The following BMP6 variants were observed in gnomAD, a reference collection of about 807,000 sequenced individuals.
BMP6 encodes VG-1-R.
BMP6 carries 17 observed loss-of-function variants against 54.1 expected under a neutral mutation model. That is an observed-to-expected ratio of 0.31 (90% CI 0.22 to 0.47). The LOEUF is 0.47. Ranked by LOEUF, BMP6 falls within the 20% of genes least tolerant of loss-of-function variation. The pLI is 1.00. For synonymous variants in BMP6, 328 were observed against 291.2 expected, an observed-to-expected ratio of 1.13 and a Z score of -1.28; for missense variants, 720 against 690.4, an observed-to-expected ratio of 1.04 and a Z score of -0.48.
intron 1 of BMP6, among the ~76,000 whole-genome samples, chr6:7,780,184 G>C (rs1757921521): frequency 6.6e-6 from 1 of 152,220 alleles, no homozygotes; most frequent in Non-Finnish European, 1.5e-5. Flanking sequence ...TCTGTGATCA[G>C]TTTAATTCTG....
At chr6:7,814,834 A>AGGG (rs1209062761) in intron 1 of BMP6, among the ~76,000 whole-genome samples, 1 of 152,004 alleles carries the variant, frequency 6.6e-6, no homozygotes, top group Non-Finnish European at 1.5e-5. Flanking sequence ...GAGGCAGGGG[A>AGGG]GGGGGAGAGC....
intron 2 of BMP6, among the ~76,000 whole-genome samples, chr6:7,850,888 CT>C (rs1051107148): frequency 1.3e-5 from 2 of 151,912 alleles, no homozygotes; most frequent in African/African-American, 2.4e-5. Context: ...AAAATACTAT[CT>C]TTTTCTCATG....
intron 6 of BMP6, 25 bp downstream of exon 6, chr6:7,880,126 G>A (rs766004146): frequency 2.5e-6 from 4 of 1,613,880 alleles, no homozygotes; most frequent in African/African-American, 2.7e-5. Flanking sequence ...ACTTTGTTTT[G>A]TAAGTGGGAG....
chr6:7,863,013 T>C (rs1759361513), intron 4 of BMP6, among the ~76,000 whole-genome samples: 1 of 152,154 alleles, frequency 6.6e-6, no homozygotes, highest in Non-Finnish European at 1.5e-5. Flanking sequence ...TTGTTTGTTT[T>C]TGGGAGACAG....
chr6:7,781,420 G>A (rs1757944321), intron 1 of BMP6, among the ~76,000 whole-genome samples: 1 of 151,700 alleles, frequency 6.6e-6, no homozygotes, highest in Non-Finnish European at 1.5e-5. Context: ...TATTTTTGCT[G>A]TGTTTGTACA....
chr6:7,848,108 T>C (rs1464333317), intron 2 of BMP6, among the ~76,000 whole-genome samples: 2 of 152,218 alleles, frequency 1.3e-5, no homozygotes, highest in African/African-American at 4.8e-5. Context: ...GAGGCCATAG[T>C]GGTCCTTTCC....
chr6:7,750,787 C>G (rs1400896112), intron 1 of BMP6, among the ~76,000 whole-genome samples: 1 of 152,016 alleles, frequency 6.6e-6, no homozygotes, highest in Non-Finnish European at 1.5e-5. Flanking sequence ...CTTTTTAAGT[C>G]AGGTTTCCAT....
chr6:7,871,571 C>T (rs1408726095), intron 4 of BMP6, among the ~76,000 whole-genome samples: 1 of 152,210 alleles, frequency 6.6e-6, no homozygotes, highest in African/African-American at 2.4e-5. Context: ...GGATGAGCAC[C>T]TGGGGCCTTG....
At chr6:7,727,696 G>A (rs1248606355) in intron 1 of BMP6, 77 bp downstream of exon 1, 2 of 1,385,962 alleles carry the variant, frequency 1.4e-6, no homozygotes, top group East Asian at 2.9e-5. Flanking sequence ...TGGAGTGAGG[G>A]GGTGGAGGAG....
At chr6:7,876,618 G>A (rs1449544602) in intron 4 of BMP6, among the ~76,000 whole-genome samples, 1 of 152,170 alleles carries the variant, frequency 6.6e-6, no homozygotes, top group Non-Finnish European at 1.5e-5. Context: ...TGTGTAATTT[G>A]ATGATTATCT....
At chr6:7,878,084 T>G (rs1373457254) in intron 4 of BMP6, among the ~76,000 whole-genome samples, 1 of 152,016 alleles carries the variant, frequency 6.6e-6, no homozygotes. Flanking sequence ...GCAGAACTCC[T>G]CTCTCTTCCT....
intron 1 of BMP6, among the ~76,000 whole-genome samples, chr6:7,729,740 A>G (rs1487268780): frequency 6.6e-6 from 1 of 152,228 alleles, no homozygotes; most frequent in African/African-American, 2.4e-5. Context: ...CAAAGCTTTC[A>G]AACATTGCTA....
intron 1 of BMP6, among the ~76,000 whole-genome samples, chr6:7,764,634 C>T (rs151101145): frequency 2.4e-3 from 371 of 152,230 alleles, no homozygotes; most frequent in Admixed American, 4.3e-3. Context: ...CCTCCCAGTC[C>T]CCAATTCTTT....
At chr6:7,805,790 T>A (rs1758338531) in intron 1 of BMP6, among the ~76,000 whole-genome samples, 1 of 152,196 alleles carries the variant, frequency 6.6e-6, no homozygotes, top group Non-Finnish European at 1.5e-5. Context: ...TCGGTAGAGA[T>A]GATAAAATAC....
chr6:7,861,714 G>T (rs1449537408), intron 3 of BMP6, 115 bp downstream of exon 3: 54 of 1,431,430 alleles, frequency 3.8e-5, no homozygotes, highest in Non-Finnish European at 5.0e-5. Flanking sequence ...CTTCAGGATG[G>T]CCTCATTTAC....
At chr6:7,860,813 A>T (rs756637495) in intron 2 of BMP6, among the ~76,000 whole-genome samples, 1 of 152,190 alleles carries the variant, frequency 6.6e-6, no homozygotes, top group Non-Finnish European at 1.5e-5. Context: ...TCCTTATTTC[A>T]TAGGAACAAA....
chr6:7,775,134 G>A (rs559353783), intron 1 of BMP6, among the ~76,000 whole-genome samples: 2 of 152,164 alleles, frequency 1.3e-5, no homozygotes, highest in African/African-American at 4.8e-5. Flanking sequence ...ACAGTGTTGC[G>A]TTGGGGATTA....
intron 1 of BMP6, among the ~76,000 whole-genome samples, chr6:7,788,218 T>G (rs1267577678): frequency 1.3e-5 from 2 of 152,196 alleles, no homozygotes; most frequent in Non-Finnish European, 2.9e-5. Flanking sequence ...GACCTTTAAG[T>G]GTTCTTGGCC....
chr6:7,836,816 C>G (rs34765410), intron 1 of BMP6, among the ~76,000 whole-genome samples: 10,781 of 152,230 alleles, frequency 0.071, 655 homozygotes, highest in African/African-American at 0.16. Context: ...TTAGCTCAGT[C>G]TTTGTATTAC....
Sources: allele counts gnomAD v4.1 joint callset (sites outside exome capture counted in the v4.1 genomes callset), GRCh38; gene constraint gnomAD v4.1.1; transcripts MANE v1.5; gene names NCBI Gene and HGNC (gene_info 2026-07-23, HGNC 2026-07-21).